The following SLC35D4 variants were observed in gnomAD, a reference collection of about 807,000 sequenced individuals.
SLC35D4 encodes the protein UDP-N-acetylglucosamine transporter SLC35D4.
the SLC35D4 span, among the ~76,000 whole-genome samples, chr18:23,386,932 CAG>C: frequency 1.3e-5 from 2 of 152,122 alleles, no homozygotes; most frequent in Non-Finnish European, 2.9e-5. Flanking sequence ...TTTTTTGAGA[CAG>C]AGTCTCGCTC....
chr18:23,322,597 T>G, the SLC35D4 span, among the ~76,000 whole-genome samples: 5 of 152,298 alleles, frequency 3.3e-5, no homozygotes, highest in South Asian at 2.1e-4. Context: ...TGAAATGGAG[T>G]TTCACAGAAA....
At chr18:23,359,891 C>T in the SLC35D4 span, among the ~76,000 whole-genome samples, 1 of 152,104 alleles carries the variant, frequency 6.6e-6, no homozygotes, top group African/African-American at 2.4e-5. Flanking sequence ...TAAAAGAGTG[C>T]AAGGGGGAAA....
the SLC35D4 span, among the ~76,000 whole-genome samples, chr18:23,311,917 C>T: frequency 3.9e-5 from 6 of 151,920 alleles, no homozygotes; most frequent in Non-Finnish European, 8.8e-5. Context: ...TGGCCTGGGA[C>T]GGTGCCAATG....
the SLC35D4 span, among the ~76,000 whole-genome samples, chr18:23,375,265 G>T: frequency 2.0e-5 from 3 of 151,922 alleles, no homozygotes; most frequent in African/African-American, 4.8e-5. Context: ...ACTGCACTTT[G>T]GTTATCTAAG....
chr18:23,376,835 A>C, the SLC35D4 span: 1 of 456,716 alleles, frequency 2.2e-6, no homozygotes, highest in South Asian at 1.5e-5. Flanking sequence ...ACCTGATTAC[A>C]TCAGGTATCA....
chr18:23,436,129 G>A, the SLC35D4 span, among the ~76,000 whole-genome samples: 1 of 147,914 alleles, frequency 6.8e-6, no homozygotes, highest in Non-Finnish European at 1.5e-5. Flanking sequence ...TCAGGTTCAA[G>A]TGATTCTCCT....
At chr18:23,298,644 A>T in the SLC35D4 span, among the ~76,000 whole-genome samples, 1 of 152,236 alleles carries the variant, frequency 6.6e-6, no homozygotes, top group Non-Finnish European at 1.5e-5. Context: ...GAAGAGCTGA[A>T]TATTTTAACA....
chr18:23,244,710 G>T, the SLC35D4 span, among the ~76,000 whole-genome samples: 1 of 152,238 alleles, frequency 6.6e-6, no homozygotes, highest in African/African-American at 2.4e-5. Flanking sequence ...GAGCTGTGTG[G>T]CTCATTGCCT....
At chr18:23,295,686 C>T in the SLC35D4 span, among the ~76,000 whole-genome samples, 1 of 152,156 alleles carries the variant, frequency 6.6e-6, no homozygotes, top group Non-Finnish European at 1.5e-5. Context: ...GTTTCTTTTT[C>T]TCTCTTTTCT....
chr18:23,418,939 CG>C, the SLC35D4 span, among the ~76,000 whole-genome samples: 1 of 151,474 alleles, frequency 6.6e-6, no homozygotes, highest in Non-Finnish European at 1.5e-5. Context: ...ACCCGGGAGA[CG>C]GAGCTTGCAG....
the SLC35D4 span, among the ~76,000 whole-genome samples, chr18:23,248,512 C>CTTTTTTTTTTTTTTT: frequency 1.8e-4 from 16 of 90,724 alleles, no homozygotes; most frequent in South Asian, 1.3e-3. Context: ...GACCCTATGT[C>CTTTTTTTTTTTTTTT]TTTTTTTTTT....
At chr18:23,371,895 T>C in the SLC35D4 span, among the ~76,000 whole-genome samples, 1 of 150,258 alleles carries the variant, frequency 6.7e-6, no homozygotes, top group African/African-American at 2.5e-5. Flanking sequence ...GGACTTAGTA[T>C]CATAGGACAC....
the SLC35D4 span, among the ~76,000 whole-genome samples, chr18:23,309,242 G>T: frequency 6.6e-6 from 1 of 151,322 alleles, no homozygotes; most frequent in East Asian, 1.9e-4. Context: ...GTGTGTGTGT[G>T]TGTGTGTGTG....
the SLC35D4 span, among the ~76,000 whole-genome samples, chr18:23,422,645 T>C: frequency 6.6e-6 from 1 of 152,088 alleles, no homozygotes; most frequent in Non-Finnish European, 1.5e-5. Flanking sequence ...AAATGCAAAT[T>C]TAATTGAGCT....
chr18:23,352,191 C>T, the SLC35D4 span: 1 of 1,608,294 alleles, frequency 6.2e-7, no homozygotes, highest in Admixed American at 1.7e-5. Context: ...CCTCTTGTCT[C>T]TTACCTTAGC....
At chr18:23,331,516 T>C in the SLC35D4 span, 1 of 152,252 alleles carries the variant, frequency 6.6e-6, no homozygotes, top group African/African-American at 2.4e-5. Context: ...GTTCAGCACG[T>C]TGGGCTCTGC....
the SLC35D4 span, among the ~76,000 whole-genome samples, chr18:23,412,803 T>C: frequency 6.6e-6 from 1 of 152,240 alleles, no homozygotes; most frequent in Non-Finnish European, 1.5e-5. Context: ...TATTGTCTGT[T>C]GCTATTTCTA....
chr18:23,311,726 A>T, the SLC35D4 span, among the ~76,000 whole-genome samples: 1 of 152,126 alleles, frequency 6.6e-6, no homozygotes, highest in Admixed American at 6.5e-5. Context: ...AATGTATTTC[A>T]TCTAGGTCTC....
chr18:23,292,184 C>T, the SLC35D4 span, among the ~76,000 whole-genome samples: 236 of 152,316 alleles, frequency 1.5e-3, 1 homozygote, highest in Non-Finnish European at 8.2e-4. Flanking sequence ...CATGCAGACC[C>T]AGTGAAAAGA....
Sources: allele counts gnomAD v4.1 joint callset (sites outside exome capture counted in the v4.1 genomes callset), GRCh38; gene constraint gnomAD v4.1.1; transcripts MANE v1.5; gene names NCBI Gene and HGNC (gene_info 2026-07-23, HGNC 2026-07-21).